Variants in STAG2 observed in about 807,000 individuals in gnomAD.
The protein encoded by STAG2 is cohesin subunit SA-2.
STAG2 carries 14 observed loss-of-function variants against 108.1 expected under a neutral mutation model. The ratio of observed to expected loss-of-function variants is 0.13; its 90% CI spans 0.09 to 0.20. The LOEUF (loss-of-function observed/expected upper bound fraction) is 0.20. Among genes scored for constraint, STAG2 ranks in the 10% least tolerant of loss-of-function variants. The pLI, the probability that STAG2 is intolerant of heterozygous loss-of-function variation, is 1.00. For synonymous variants in STAG2, 307 were observed against 302.7 expected, an observed-to-expected ratio of 1.01 and a Z score of -0.15; for missense variants, 440 against 940.9, an observed-to-expected ratio of 0.47 and a Z score of 6.96.
chrX:124,037,830 T>C (rs1014894476), intron 6 of STAG2, among the ~76,000 whole-genome samples: 2 of 112,695 alleles, frequency 1.8e-5, no homozygotes, highest in African/African-American at 3.2e-5. Flanking sequence ...GTGAAAGTTA[T>C]CTAAAAACTT....
intron 1 of STAG2, chrX:123,962,199 C>G (rs2053896754): frequency 9.0e-6 from 1 of 110,903 alleles, no homozygotes. Flanking sequence ...GATCTGCGGA[C>G]GGCGATTTTG....
chrX:124,075,293 G>A (rs1007135048), intron 25 of STAG2, among the ~76,000 whole-genome samples: 21 of 111,652 alleles, frequency 1.9e-4, no homozygotes, highest in Admixed American at 1.2e-3. Context: ...TGTTTGTTTA[G>A]ATGGAGTTTC....
intron 1 of STAG2, among the ~76,000 whole-genome samples, chrX:123,969,677 C>T (rs1208038993): frequency 3.7e-5 from 4 of 109,203 alleles, no homozygotes; most frequent in East Asian, 2.8e-4. Context: ...GATGGAGTTT[C>T]GCGCTTGTTG....
At chrX:124,058,952 T>G (rs946166852) in intron 15 of STAG2, among the ~76,000 whole-genome samples, 4 of 112,242 alleles carry the variant, frequency 3.6e-5, no homozygotes, top group Non-Finnish European at 7.5e-5. Flanking sequence ...ATAAAGATAA[T>G]TTTCCTTTTC....
At chrX:124,051,834 C>T (rs1308232531) in intron 13 of STAG2, among the ~76,000 whole-genome samples, 1 of 111,941 alleles carries the variant, frequency 8.9e-6, no homozygotes, top group Non-Finnish European at 1.9e-5. Context: ...TCGTGATCCG[C>T]CCGCCTTGGC....
At chrX:123,982,647 A>G (rs1190258450) in intron 1 of STAG2, among the ~76,000 whole-genome samples, 1 of 111,211 alleles carries the variant, frequency 9.0e-6, no homozygotes, top group Non-Finnish European at 1.9e-5. Context: ...TTGGCCTTCC[A>G]AAATGTTGAG....
intron 1 of STAG2, among the ~76,000 whole-genome samples, chrX:124,017,457 G>T (rs1001050438): frequency 6.1e-4 from 68 of 111,031 alleles, no homozygotes; most frequent in African/African-American, 2.2e-3. Context: ...TGATCTGCCC[G>T]CCTCAGCCTC....
At chrX:124,060,797 G>C (rs1232980527) in intron 15 of STAG2, among the ~76,000 whole-genome samples, 2 of 107,870 alleles carry the variant, frequency 1.9e-5, no homozygotes, top group African/African-American at 6.8e-5. Context: ...GGTGGTGCAT[G>C]CCTGTAGTCC....
At chrX:124,033,790 CAT>C (rs763372200) in intron 5 of STAG2, among the ~76,000 whole-genome samples, 1,661 of 111,839 alleles carry the variant, frequency 0.015, 33 homozygotes, top group African/African-American at 0.051. Context: ...AAAAAACCAA[CAT>C]AAACTAGAAA....
chrX:124,060,204 C>T (rs1484804338), intron 15 of STAG2, among the ~76,000 whole-genome samples: 1 of 111,016 alleles, frequency 9.0e-6, no homozygotes, highest in African/African-American at 3.3e-5. Flanking sequence ...TCTCGGCTCA[C>T]TGCCAATCTC....
At chrX:124,092,564 C>T (rs749269033) in intron 32 of STAG2, among the ~76,000 whole-genome samples, 4 of 111,868 alleles carry the variant, frequency 3.6e-5, no homozygotes, top group East Asian at 2.8e-4. Flanking sequence ...CCCCGCCTCC[C>T]GGCAACTACA....
intron 1 of STAG2, among the ~76,000 whole-genome samples, chrX:124,004,133 T>G (rs2147863524): frequency 8.9e-6 from 1 of 111,992 alleles, no homozygotes; most frequent in East Asian, 2.8e-4. Flanking sequence ...AGGTTCATAT[T>G]TATTGGCATT....
At chrX:123,991,029 A>G (rs1179377690) in intron 1 of STAG2, among the ~76,000 whole-genome samples, 2 of 112,196 alleles carry the variant, frequency 1.8e-5, no homozygotes, top group East Asian at 2.8e-4. Flanking sequence ...AAGCATATTC[A>G]TGCCAGTGTG....
At position 124,066,383 on chromosome X, in the gene STAG2, C is replaced by T. The variant is rs757672488; in HGVS notation, c.2212C>T (p.His738Tyr). The T allele has an allele frequency of 4.1e-6, 5 of 1,205,968 alleles. No homozygotes were observed. Among genetic ancestry groups the T allele is most frequent in the Non-Finnish European group, 5.6e-6 (5 of 892,684 alleles). Residue 738 changes from histidine (H) to tyrosine (Y), a missense_variant, in exon 23 of 35, where the codon CAC (histidine) becomes TAC (tyrosine). This residue lies in a region of STAG2 where 337 missense variants were observed against 649.3 expected (regional missense o/e 0.52). Coordinates refer to ENST00000371145, the MANE Select transcript of STAG2 (RefSeq NM_001042750.2). The stretch of plus-strand genomic sequence containing the variant: ...TGTTATTCACGCACTGCAGTGTACT[C>T]ACTATGTAATCCTTTGGCAACTTGC... ...QIVIHALQCT[H>Y]YVILWQLAKI...
intron 34 of STAG2, 52 bp downstream of exon 34, chrX:124,095,501 GTC>G: frequency 9.9e-7 from 1 of 1,006,315 alleles, no homozygotes. Context: ...AGTATAGGCA[GTC>G]TCTCAGTTTG....
At chrX:124,052,909 C>T (rs773155929) in intron 13 of STAG2, among the ~76,000 whole-genome samples, 15 of 109,590 alleles carry the variant, frequency 1.4e-4, no homozygotes, top group African/African-American at 5.0e-4. Flanking sequence ...CTCCACCTCC[C>T]GGGTTCAAGC....
At chrX:124,007,009 T>C (rs1436035263) in intron 1 of STAG2, among the ~76,000 whole-genome samples, 1 of 110,818 alleles carries the variant, frequency 9.0e-6, no homozygotes, top group East Asian at 2.8e-4. Flanking sequence ...CCTTCTTTTT[T>C]TTAAAAATAG....
At chrX:124,061,400 C>T (rs1305717786) in intron 16 of STAG2, 59 bp downstream of exon 16, 1 of 835,980 alleles carries the variant, frequency 1.2e-6, no homozygotes. Flanking sequence ...GATTTTTACT[C>T]ATTCCATTTA....
At position 124,051,377 on chromosome X, in the gene STAG2, A is replaced by G. The variant is rs759230875; in HGVS notation, c.1179A>G (p.Leu393=). 4 of 1,192,628 alleles carry G rather than the reference A, an allele frequency of 3.4e-6. No individual in the cohort carries two copies. Among genetic ancestry groups the G allele is most frequent in the South Asian group, 3.6e-5 (2 of 55,049 alleles). ...ATGTTGCAGTACAAGCAATAAAATTACTCACTCTTGTTTTACAGTAAGTAT... is the reference window on the plus strand; with the variant it reads ...ATGTTGCAGTACAAGCAATAAAATTGCTCACTCTTGTTTTACAGTAAGTAT... The part of the protein sequence containing the change: ...EYDVAVQAIK[L]LTLVLQSSEE... Residue 393 remains leucine (L), a synonymous_variant, in exon 13 of 35, where the codon TTA becomes TTG. Transcript: ENST00000371145.
Sources: allele counts gnomAD v4.1 joint callset (sites outside exome capture counted in the v4.1 genomes callset), GRCh38; gene constraint gnomAD v4.1.1; regional missense constraint gnomAD v4.1.1; transcripts MANE v1.5; gene names NCBI Gene and HGNC (gene_info 2026-07-23, HGNC 2026-07-21).